The following PLCB1 variants were observed in gnomAD, a reference collection of about 807,000 sequenced individuals.
PLCB1 encodes phospholipase C beta 1.
A neutral mutation model predicts 161.8 loss-of-function variants in PLCB1; 46 were observed. That is an observed-to-expected ratio of 0.28 (90% CI 0.22 to 0.36). The LOEUF (loss-of-function observed/expected upper bound fraction) is 0.36, where lower values mean the gene tolerates loss of function less well. PLCB1 is among the 10% of genes least tolerant of loss of function. The pLI, the probability that PLCB1 is intolerant of heterozygous loss-of-function variation, is 1.00. For synonymous variants in PLCB1, 517 were observed against 503.7 expected (o/e 1.03, Z -0.35); for missense variants, 1,016 against 1,472.5 (o/e 0.69, Z 5.07).
rs1447865411 is a variant in PLCB1 at position 8,270,727 on chromosome 20, T to TCTGTGAC, written c.178-100655_178-100654insCTGTGAC. Among the ~76,000 whole-genome samples, 3 of 152,134 alleles carry TCTGTGAC rather than the reference T, an allele frequency of 2.0e-5. No individual in the cohort carries two copies. The South Asian group carries it at 6.2e-4, about 32-fold the overall frequency. On this transcript the variant is annotated intron_variant, in intron 2 of 31. Coordinates refer to ENST00000338037, the MANE Select transcript of PLCB1 (RefSeq NM_015192.4). ...TTTGGTATTTATTCTTTAGTGTGTG[T>TCTGTGAC]TTATCCTGCTGTCTGTGACTTAAAT... is the stretch of plus-strand genomic sequence containing the variant.
chr20:8,494,409 GT>G (rs1247082362), intron 3 of PLCB1, among the ~76,000 whole-genome samples: 1 of 152,110 alleles, frequency 6.6e-6, no homozygotes, highest in African/African-American at 2.4e-5. Flanking sequence ...GATAAGATAC[GT>G]TGTATTGTTG....
At chr20:8,527,080 C>CA (rs1354901503) in intron 3 of PLCB1, among the ~76,000 whole-genome samples, 1 of 152,104 alleles carries the variant, frequency 6.6e-6, no homozygotes, top group African/African-American at 2.4e-5. Flanking sequence ...TGATGCCAGA[C>CA]ACACTTGAGT....
intron 3 of PLCB1, among the ~76,000 whole-genome samples, chr20:8,541,562 G>GAGAAAGAAAGAAAGAGAGAA (rs1555769020): frequency 8.7e-6 from 1 of 114,348 alleles, no homozygotes; most frequent in Non-Finnish European, 1.8e-5. Flanking sequence ...AAGGAAGAAA[G>GAGAAAGAAAGAAAGAGAGAA]AGAAAGAAAG....
In PLCB1 at chr20:8,386,788, A is replaced by G. The variant is rs988363785; in HGVS notation, c.246+15338A>G. Among the ~76,000 whole-genome samples the G allele has an allele frequency of 3.3e-5, 5 of 152,202 alleles. No individual in the cohort carries two copies. The East Asian group carries it at 7.7e-4, about 23-fold the overall frequency. On this transcript the variant is annotated intron_variant, in intron 3 of 31. Coordinates refer to ENST00000338037, the MANE Select transcript of PLCB1 (RefSeq NM_015192.4). ...TTGTTTGGTGTAGCCACCTTCATCA[A>G]TGATCTCAGCTAGATCTTCTGGGTA...
chr20:8,206,166 G>C (rs529307055), intron 2 of PLCB1, among the ~76,000 whole-genome samples: 8 of 152,202 alleles, frequency 5.3e-5, no homozygotes. Context: ...ACACATTTGT[G>C]TGTGCTCTTT....
chr20:8,620,747 C>CAAAAAAAAAA (rs779029928), intron 3 of PLCB1, among the ~76,000 whole-genome samples: 128 of 74,828 alleles, frequency 1.7e-3, no homozygotes, highest in Non-Finnish European at 2.0e-3. Context: ...CTGCCCCCAC[C>CAAAAAAAAAA]AAAAAAAAAA....
chr20:8,447,645 A>G (rs574624040), intron 3 of PLCB1, among the ~76,000 whole-genome samples: 6 of 152,340 alleles, frequency 3.9e-5, no homozygotes, highest in African/African-American at 1.4e-4. Flanking sequence ...TGAAAGGTAC[A>G]GAGGAATATA....
At chr20:8,466,467 G>T (rs1047710333) in intron 3 of PLCB1, among the ~76,000 whole-genome samples, 1 of 151,782 alleles carries the variant, frequency 6.6e-6, no homozygotes, top group Non-Finnish European at 1.5e-5. Context: ...AAAACTTAAA[G>T]TGTAATAATA....
intron 10 of PLCB1, among the ~76,000 whole-genome samples, chr20:8,696,076 C>G (rs954209776): frequency 6.6e-6 from 1 of 152,184 alleles, no homozygotes; most frequent in Non-Finnish European, 1.5e-5. Flanking sequence ...AAAACCATTG[C>G]TGAATCAAGG....
intron 31 of PLCB1, among the ~76,000 whole-genome samples, chr20:8,821,596 TTATGA>T (rs1985425910): frequency 2.1e-5 from 3 of 142,902 alleles, no homozygotes; most frequent in South Asian, 2.3e-4. Context: ...AGGAGAGTAG[TTATGA>T]TATATCAGTT....
chr20:8,483,691 C>T (rs1205003789), intron 3 of PLCB1, among the ~76,000 whole-genome samples: 2 of 151,998 alleles, frequency 1.3e-5, no homozygotes, highest in African/African-American at 2.4e-5. Flanking sequence ...ATTCTGGCCA[C>T]ATATATAATT....
chr20:8,629,877 C>CTTTCTTTCTT (rs1159340046), intron 4 of PLCB1, among the ~76,000 whole-genome samples: 26 of 64,394 alleles, frequency 4.0e-4, no homozygotes, highest in African/African-American at 1.2e-3. Flanking sequence ...TTCTTTCTTT[C>CTTTCTTTCTT]TCTCTCTCTT....
At chr20:8,178,121 A>G (rs2051801949) in intron 2 of PLCB1, among the ~76,000 whole-genome samples, 1 of 152,040 alleles carries the variant, frequency 6.6e-6, no homozygotes, top group Non-Finnish European at 1.5e-5. Flanking sequence ...GGTTGGTTTC[A>G]TGTCTTTGTT....
intron 9 of PLCB1, among the ~76,000 whole-genome samples, chr20:8,662,407 A>T (rs1989694190): frequency 1.5e-5 from 2 of 130,072 alleles, no homozygotes; most frequent in Non-Finnish European, 3.1e-5. Context: ...TTATATAATT[A>T]TGTATAATAT....
At chr20:8,173,319 C>T (rs544200154) in intron 2 of PLCB1, among the ~76,000 whole-genome samples, 2 of 152,276 alleles carry the variant, frequency 1.3e-5, no homozygotes, top group South Asian at 4.1e-4. Context: ...AGATGCTATT[C>T]TCTCACCAAG....
intron 9 of PLCB1, among the ~76,000 whole-genome samples, chr20:8,662,612 T>A (rs1047006044): frequency 1.0e-4 from 15 of 146,818 alleles, no homozygotes; most frequent in African/African-American, 3.7e-4. Context: ...ATCTAATATC[T>A]ATAATTAATA....
At chr20:8,813,477 C>T (rs991320114) in intron 31 of PLCB1, among the ~76,000 whole-genome samples, 1 of 152,044 alleles carries the variant, frequency 6.6e-6, no homozygotes, top group Admixed American at 6.5e-5. Flanking sequence ...TCAAAGAAGA[C>T]CCAACCATCA....
chr20:8,803,326 A>G (rs1205040020), intron 31 of PLCB1, among the ~76,000 whole-genome samples: 1 of 152,056 alleles, frequency 6.6e-6, no homozygotes. Context: ...AGGATGTAGT[A>G]CATTCCTACC....
At position 8,604,252 on chromosome 20, in the gene PLCB1, CAAAAAAAAAAAAAA is replaced by C. The variant is rs34186286; in HGVS notation, c.247-24029_247-24016del. Among the ~76,000 whole-genome samples, 58 of 51,402 alleles carry C rather than the reference CAAAAAAAAAAAAAA, an allele frequency of 1.1e-3. 1 individual carries two copies. Among genetic ancestry groups the C allele is most frequent in the African/African-American group, 4.3e-3 (54 of 12,668 alleles). The allele number at this position is 51,402 out of a possible 152,430, so 33.7% of individuals were successfully genotyped here. On this transcript the variant is annotated intron_variant, in intron 3 of 31. Transcript: ENST00000338037. ...TGAGTAACAGAGTGAGGCCCTGTCT[CAAAAAAAAAAAAAA>C]AAAAAAAAAAAAGGTTACTTTGATA...
Sources: allele counts gnomAD v4.1 joint callset (sites outside exome capture counted in the v4.1 genomes callset), GRCh38; gene constraint gnomAD v4.1.1; transcripts MANE v1.5; gene names NCBI Gene and HGNC (gene_info 2026-07-23, HGNC 2026-07-21).